PRR5L: variants seen among roughly 807,000 people sequenced by gnomAD.
PRR5L encodes the protein proline rich 5 like, also known as proline-rich protein 5-like.
Under a neutral mutation model 36.4 loss-of-function variants are expected in PRR5L, and 21 were observed. The ratio of observed to expected loss-of-function variants is 0.58; its 90% CI spans 0.41 to 0.83. PRR5L has a LOEUF of 0.83. Ranked by LOEUF, PRR5L falls within the 40% of genes least tolerant of loss-of-function variation. PRR5L has a pLI of 0.00. For missense variants in PRR5L, 381 were observed against 473.3 expected, an observed-to-expected ratio of 0.80 and a Z score of 1.81; for synonymous variants, 188 against 197.0, an observed-to-expected ratio of 0.95 and a Z score of 0.38.
intron 1 of PRR5L, among the ~76,000 whole-genome samples, chr11:36,314,251 G>A (rs186936397): frequency 1.3e-5 from 2 of 152,096 alleles, no homozygotes; most frequent in Admixed American, 6.6e-5. Flanking sequence ...AATTATTTAC[G>A]TAACTTGGAT....
chr11:36,415,674 G>A (rs897270607), intron 3 of PRR5L, among the ~76,000 whole-genome samples: 20 of 152,216 alleles, frequency 1.3e-4, no homozygotes, highest in African/African-American at 4.6e-4. Flanking sequence ...AGCCCGGGAG[G>A]CAGAGGTTGC....
chr11:36,366,726 C>T (rs759444066), intron 1 of PRR5L, among the ~76,000 whole-genome samples: 6 of 152,122 alleles, frequency 3.9e-5, no homozygotes, highest in African/African-American at 7.2e-5. Context: ...GTGCCTAGGA[C>T]GCTAAATTAG....
At chr11:36,373,814 T>C (rs931675375) in intron 1 of PRR5L, among the ~76,000 whole-genome samples, 4 of 152,126 alleles carry the variant, frequency 2.6e-5, no homozygotes, top group Admixed American at 6.5e-5. Flanking sequence ...TAACCTTTTT[T>C]TTCTTATTGC....
At chr11:36,350,354 G>C (rs922481618) in intron 1 of PRR5L, among the ~76,000 whole-genome samples, 1 of 151,452 alleles carries the variant, frequency 6.6e-6, no homozygotes, top group Non-Finnish European at 1.5e-5. Flanking sequence ...TGTGTGTGCC[G>C]GGGAGGAGGA....
intron 4 of PRR5L, chr11:36,425,850 G>A (rs1007027078): frequency 1.3e-4 from 19 of 151,644 alleles, no homozygotes; most frequent in Admixed American, 3.3e-4. Flanking sequence ...CCTATAATTT[G>A]CAGCCCTGGG....
intron 1 of PRR5L, among the ~76,000 whole-genome samples, chr11:36,355,832 G>A (rs538982717): frequency 1.3e-5 from 2 of 151,842 alleles, no homozygotes; most frequent in African/African-American, 2.4e-5. Flanking sequence ...CAGAGTGCTG[G>A]GATTACAGGG....
At chr11:36,324,798 T>C (rs1459808217) in intron 1 of PRR5L, among the ~76,000 whole-genome samples, 1 of 152,200 alleles carries the variant, frequency 6.6e-6, no homozygotes, top group Non-Finnish European at 1.5e-5. Context: ...ATTCCCACTA[T>C]TTAGAGAAAA....
Position 36,423,232 on chromosome 11 carries a change from C to T in PRR5L, c.294+3929C>T, listed in dbSNP as rs78009562. Among the ~76,000 whole-genome samples, 757 of 152,184 alleles carry T rather than the reference C, an allele frequency of 5.0e-3. 14 individuals are homozygous for T. Among genetic ancestry groups the T allele is most frequent in the East Asian group, 0.043 (223 of 5,172 alleles). ...TGGATACCTGGTAATGTGTGAGATA[C>T]ATTTGTGTGCATGTATGTGTACGTG... On this transcript the variant is annotated intron_variant, in intron 4 of 8. Transcript: ENST00000530639.
intron 1 of PRR5L, among the ~76,000 whole-genome samples, chr11:36,307,906 T>C (rs11033546): frequency 0.14 from 21,721 of 152,204 alleles, 2,185 homozygotes; most frequent in African/African-American, 0.28. Flanking sequence ...CTTGGAATGA[T>C]GAAATTTTTC....
chr11:36,383,460 G>A (rs1246448638), intron 1 of PRR5L, among the ~76,000 whole-genome samples: 1 of 152,030 alleles, frequency 6.6e-6, no homozygotes, highest in African/African-American at 2.4e-5. Context: ...ATTGTATTTT[G>A]GGGAAAAGAA....
Position 36,451,196 on chromosome 11 carries a change from G to C in PRR5L, c.586-13G>C, listed in dbSNP as rs535662462. 6.2e-7 allele frequency: 1 copy of C among 1,613,842 alleles called. No homozygotes were observed. Among genetic ancestry groups the C allele is most frequent in the Non-Finnish European group, 8.5e-7 (1 of 1,179,908 alleles). On this transcript the variant is annotated splice_polypyrimidine_tract_variant and intron_variant, in intron 7 of 8. Transcript: ENST00000530639. ...ACACTGACCTTTGTGTATCTTGGCT[G>C]TTCATTTTCCAGAGTGTTCACGAGC... is the stretch of plus-strand genomic sequence containing the variant.
intron 3 of PRR5L, among the ~76,000 whole-genome samples, chr11:36,418,901 CT>C (rs1418802184): frequency 2.6e-5 from 4 of 152,188 alleles, no homozygotes; most frequent in African/African-American, 4.8e-5. Context: ...ATAAAGTGCT[CT>C]GCAAATGTGG....
intron 6 of PRR5L, among the ~76,000 whole-genome samples, chr11:36,444,086 A>C (rs932912058): frequency 1.3e-5 from 2 of 152,228 alleles, no homozygotes; most frequent in African/African-American, 4.8e-5. Flanking sequence ...GCATGGATAA[A>C]TATGTTTGAA....
intron 1 of PRR5L, among the ~76,000 whole-genome samples, chr11:36,389,000 A>G (rs1017345946): frequency 5.3e-5 from 8 of 152,162 alleles, no homozygotes; most frequent in East Asian, 3.9e-4. Context: ...CGATCGGCTC[A>G]AGGTCGGCTC....
At chr11:36,379,043 C>T (rs1205680342) in intron 1 of PRR5L, among the ~76,000 whole-genome samples, 4 of 152,134 alleles carry the variant, frequency 2.6e-5, no homozygotes, top group African/African-American at 7.2e-5. Flanking sequence ...CAGAATGTTA[C>T]AAATTGGCTC....
intron 7 of PRR5L, 116 bp downstream of exon 7, chr11:36,446,556 T>TACA (rs917445979): frequency 1.6e-6 from 2 of 1,246,900 alleles, no homozygotes; most frequent in African/African-American, 3.0e-5. Context: ...CTTGGCTTAC[T>TACA]ACTATTTAGT....
chr11:36,455,234 G>A (rs1435072323), intron 8 of PRR5L: 9 of 152,454 alleles, frequency 5.9e-5, no homozygotes, highest in Non-Finnish European at 8.8e-5. Flanking sequence ...GGTGTGCTGG[G>A]GTCACAATGG....
At chr11:36,356,246 G>A (rs536361509) in intron 1 of PRR5L, among the ~76,000 whole-genome samples, 3 of 152,184 alleles carry the variant, frequency 2.0e-5, no homozygotes, top group African/African-American at 7.2e-5. Flanking sequence ...CAAAGCTTCT[G>A]TATTATTATG....
chr11:36,388,170 T>TC (rs1259833167), intron 1 of PRR5L: 1 of 152,222 alleles, frequency 6.6e-6, no homozygotes, highest in Non-Finnish European at 1.5e-5. Flanking sequence ...CATCTACTTT[T>TC]CCTGCCAGTG....
Sources: gnomAD v4.1 joint callset for allele counts (sites outside exome capture counted in the v4.1 genomes callset) on GRCh38, gnomAD v4.1.1 for gene constraint, MANE v1.5 for transcripts, NCBI Gene and HGNC (gene_info 2026-07-23, HGNC 2026-07-21) for gene names.